The following CSMD3 variants were observed in gnomAD, a reference collection of about 807,000 sequenced individuals.
The protein encoded by CSMD3 is CUB and sushi domain-containing protein 3.
In CSMD3, 177 loss-of-function variants were observed where a neutral mutation model predicts 435.2. The observed-to-expected ratio is 0.41, with a 90% CI of 0.36 to 0.46. The LOEUF is 0.46. CSMD3 is among the 20% of genes least tolerant of loss of function. The pLI is 0.34. For missense variants in CSMD3, 4,265 were observed against 4,504.6 expected (o/e 0.95, Z 1.52); for synonymous variants, 1,656 against 1,520.5 (o/e 1.09, Z -2.07).
intron 4 of CSMD3, among the ~76,000 whole-genome samples, chr8:113,117,476 TA>T (rs1476652356): frequency 1.3e-5 from 2 of 152,194 alleles, no homozygotes; most frequent in African/African-American, 4.8e-5. Flanking sequence ...GGAGCCCTCA[TA>T]AAGAATCTCT....
At chr8:112,899,851 T>C (rs1462488729) in intron 10 of CSMD3, among the ~76,000 whole-genome samples, 2 of 135,062 alleles carry the variant, frequency 1.5e-5, no homozygotes, top group Non-Finnish European at 1.6e-5. Flanking sequence ...AGAGAGAGAG[T>C]CAGAGAGAGA....
intron 13 of CSMD3, among the ~76,000 whole-genome samples, chr8:112,798,641 C>T (rs1336268027): frequency 6.6e-6 from 1 of 151,850 alleles, no homozygotes; most frequent in East Asian, 1.9e-4. Flanking sequence ...TCTTGAACCG[C>T]AGCAGAGGGG....
At chr8:112,761,252 A>G (rs1317101915) in intron 13 of CSMD3, among the ~76,000 whole-genome samples, 1 of 152,164 alleles carries the variant, frequency 6.6e-6, no homozygotes, top group African/African-American at 2.4e-5. Flanking sequence ...CATTTAAAAA[A>G]AGGGAAACCA....
chr8:112,646,281 T>C (rs899957915), intron 19 of CSMD3, among the ~76,000 whole-genome samples: 1 of 152,090 alleles, frequency 6.6e-6, no homozygotes, highest in Non-Finnish European at 1.5e-5. Flanking sequence ...TAATTTAAAA[T>C]ACACAAAAAG....
chr8:112,602,744 GC>G (rs1403768969), intron 22 of CSMD3, among the ~76,000 whole-genome samples: 1 of 151,554 alleles, frequency 6.6e-6, no homozygotes, highest in Non-Finnish European at 1.5e-5. Flanking sequence ...GTAAGCTAGA[GC>G]AAAAATGTTA....
intron 13 of CSMD3, among the ~76,000 whole-genome samples, chr8:112,706,264 T>G (rs940787157): frequency 6.6e-6 from 1 of 152,150 alleles, no homozygotes; most frequent in African/African-American, 2.4e-5. Flanking sequence ...AATCTTGAAA[T>G]TGTACTATGT....
intron 6 of CSMD3, among the ~76,000 whole-genome samples, chr8:112,998,617 G>T (rs1033932995): frequency 9.2e-5 from 14 of 151,822 alleles, no homozygotes; most frequent in African/African-American, 2.7e-4. Context: ...TTTGTCCAGG[G>T]TTTTCCTAAA....
At chr8:112,652,185 C>T (rs951803184) in intron 18 of CSMD3, among the ~76,000 whole-genome samples, 2 of 152,142 alleles carry the variant, frequency 1.3e-5, no homozygotes, top group Non-Finnish European at 2.9e-5. Flanking sequence ...TTGTCATTAT[C>T]TCCCAATGGT....
At chr8:112,415,935 C>T (rs747924493) in intron 32 of CSMD3, among the ~76,000 whole-genome samples, 6 of 152,170 alleles carry the variant, frequency 3.9e-5, no homozygotes, top group South Asian at 2.1e-4. Context: ...AGATAACTAA[C>T]TTGCTTTTGC....
At chr8:112,254,379 G>T (rs1815589227) in intron 62 of CSMD3, 53 bp from the exon 63 acceptor site, 1 of 1,193,102 alleles carries the variant, frequency 8.4e-7, no homozygotes, top group Middle Eastern at 1.9e-4. Context: ...AATAGATATA[G>T]TTCTCTCACA....
At chr8:113,328,424 C>A (rs1252331419) in intron 1 of CSMD3, among the ~76,000 whole-genome samples, 2 of 131,410 alleles carry the variant, frequency 1.5e-5, no homozygotes, top group Admixed American at 8.5e-5. Context: ...GGCGACAGAG[C>A]GAGACTCCGT....
chr8:113,308,754 T>C (rs928755886), intron 2 of CSMD3, among the ~76,000 whole-genome samples: 5 of 152,228 alleles, frequency 3.3e-5, no homozygotes, highest in African/African-American at 9.6e-5. Context: ...GTTATAATTA[T>C]TGTTTTCAAC....
rs148657391 is a variant in CSMD3 at position 112,721,500 on chromosome 8, C to A, written c.1973-31450G>T. ...CTGAGGCATGAGAATCACCTGAACCCGGAAGGCGGAGTTTGCAGTGAGCCG... is the reference window on the plus strand; with the variant it reads ...CTGAGGCATGAGAATCACCTGAACCAGGAAGGCGGAGTTTGCAGTGAGCCG... On this transcript the variant is annotated intron_variant, in intron 13 of 70. Coordinates refer to ENST00000297405, the MANE Select transcript of CSMD3 (RefSeq NM_198123.2). Among the ~76,000 whole-genome samples the A allele has an allele frequency of 3.7e-3, 557 of 152,174 alleles. 4 individuals are homozygous for A. Among genetic ancestry groups the A allele is most frequent in the African/African-American group, 0.012 (490 of 41,514 alleles).
chr8:112,749,233 G>T (rs1182595089), intron 13 of CSMD3, among the ~76,000 whole-genome samples: 2 of 152,018 alleles, frequency 1.3e-5, no homozygotes, highest in African/African-American at 4.8e-5. Flanking sequence ...TATAGATCCT[G>T]GATATTACAC....
At chr8:112,612,276 G>A (rs936725723) in intron 22 of CSMD3, among the ~76,000 whole-genome samples, 1 of 152,166 alleles carries the variant, frequency 6.6e-6, no homozygotes, top group Non-Finnish European at 1.5e-5. Flanking sequence ...TATTTCAGCA[G>A]ACCTAAAGTC....
intron 1 of CSMD3, among the ~76,000 whole-genome samples, chr8:113,378,181 A>C (rs547066860): frequency 6.6e-6 from 1 of 152,296 alleles, no homozygotes; most frequent in African/African-American, 2.4e-5. Flanking sequence ...CAATTTTGCT[A>C]AGCACAGTGA....
At chr8:112,494,588 C>G (rs969403691) in intron 30 of CSMD3, among the ~76,000 whole-genome samples, 1 of 139,928 alleles carries the variant, frequency 7.1e-6, no homozygotes, top group African/African-American at 2.7e-5. Flanking sequence ...TTCTTTCTCT[C>G]TACAAGTACT....
chr8:113,368,650 A>T (rs191164286), intron 1 of CSMD3, among the ~76,000 whole-genome samples: 188 of 152,250 alleles, frequency 1.2e-3, no homozygotes, highest in African/African-American at 4.4e-3. Context: ...TATAAGGTTG[A>T]GCAGCAATAA....
intron 1 of CSMD3, among the ~76,000 whole-genome samples, chr8:113,328,688 A>G (rs538655794): frequency 2.1e-5 from 3 of 144,612 alleles, no homozygotes; most frequent in African/African-American, 7.7e-5. Context: ...TAGTATTTAA[A>G]ATACCATGTT....
Sources: allele counts gnomAD v4.1 joint callset (sites outside exome capture counted in the v4.1 genomes callset), GRCh38; gene constraint gnomAD v4.1.1; transcripts MANE v1.5; gene names NCBI Gene and HGNC (gene_info 2026-07-23, HGNC 2026-07-21).